SPSB4: variants seen among roughly 807,000 people sequenced by gnomAD.
SPSB4 encodes splA/ryanodine receptor domain and SOCS box containing 4.
A neutral mutation model predicts 20.9 loss-of-function variants in SPSB4; 21 were observed. The observed-to-expected ratio is 1.01, with a 90% CI of 0.71 to 1.45. The LOEUF (loss-of-function observed/expected upper bound fraction) is 1.45. SPSB4 is among the 40% of genes most tolerant of loss of function. SPSB4 has a pLI of 0.00. For synonymous variants in SPSB4, 207 were observed against 183.8 expected (o/e 1.13, Z -1.02); for missense variants, 399 against 399.2 (o/e 1.00, Z 0.00).
chr3:141,056,379 A>C (rs536414385), intron 1 of SPSB4, among the ~76,000 whole-genome samples: 3 of 152,042 alleles, frequency 2.0e-5, no homozygotes, highest in South Asian at 4.2e-4. Flanking sequence ...GGGCTGGAGC[A>C]GCTCCCTCCC....
chr3:141,099,849 C>T (rs1938590642), intron 2 of SPSB4, among the ~76,000 whole-genome samples: 1 of 152,166 alleles, frequency 6.6e-6, no homozygotes, highest in African/African-American at 2.4e-5. Context: ...TCAAACAGAG[C>T]CTCTGTTTAC....
At chr3:141,084,352 C>T (rs565449888) in intron 2 of SPSB4, among the ~76,000 whole-genome samples, 1 of 152,258 alleles carries the variant, frequency 6.6e-6, no homozygotes, top group South Asian at 2.1e-4. Flanking sequence ...TCCTTGCCCT[C>T]ACCCTCATGC....
intron 1 of SPSB4, among the ~76,000 whole-genome samples, chr3:141,057,001 G>C (rs965160212): frequency 6.6e-6 from 1 of 152,234 alleles, no homozygotes; most frequent in South Asian, 2.1e-4. Flanking sequence ...GCTCAGTCAC[G>C]CGTGGGAGGA....
intron 2 of SPSB4, among the ~76,000 whole-genome samples, chr3:141,108,202 C>T (rs1484724091): frequency 1.3e-5 from 2 of 152,022 alleles, no homozygotes. Flanking sequence ...TCGTGGGAGT[C>T]TCGTTACCAC....
intron 2 of SPSB4, among the ~76,000 whole-genome samples, chr3:141,146,381 A>G (rs1487956232): frequency 6.6e-6 from 1 of 152,174 alleles, no homozygotes; most frequent in Non-Finnish European, 1.5e-5. Flanking sequence ...GCCTCTCAGA[A>G]TCTAACCTGT....
At chr3:141,145,738 A>G (rs1042118947) in intron 2 of SPSB4, among the ~76,000 whole-genome samples, 1 of 152,140 alleles carries the variant, frequency 6.6e-6, no homozygotes, top group African/African-American at 2.4e-5. Context: ...TACAAACCAT[A>G]CCAGATGCCA....
At chr3:141,052,394 T>A (rs1936109888) in intron 1 of SPSB4, among the ~76,000 whole-genome samples, 1 of 152,200 alleles carries the variant, frequency 6.6e-6, no homozygotes. Context: ...TGGAAAGATC[T>A]ATGGGATGGT....
chr3:141,132,274 T>C (rs920422039), intron 2 of SPSB4: 1 of 394,306 alleles, frequency 2.5e-6, no homozygotes, highest in Non-Finnish European at 4.9e-6. Flanking sequence ...TTCAAGCTAT[T>C]CTTCTGCCTC....
chr3:141,070,946 G>T (rs1937991340), intron 2 of SPSB4, among the ~76,000 whole-genome samples: 1 of 152,238 alleles, frequency 6.6e-6, no homozygotes, highest in South Asian at 2.1e-4. Flanking sequence ...CCAGGGCCAG[G>T]TCCTTGCCTT....
At chr3:141,101,847 C>T (rs573752395) in intron 2 of SPSB4, among the ~76,000 whole-genome samples, 2 of 152,310 alleles carry the variant, frequency 1.3e-5, no homozygotes, top group Admixed American at 1.3e-4. Flanking sequence ...TATTCGTTTC[C>T]ACGCACCAGC....
intron 2 of SPSB4, among the ~76,000 whole-genome samples, chr3:141,101,414 C>T (rs1335664983): frequency 6.6e-6 from 1 of 152,172 alleles, no homozygotes; most frequent in East Asian, 1.9e-4. Flanking sequence ...TGCCAGGTGG[C>T]CCCTGCCCAC....
chr3:141,077,043 T>A (rs1201724920), intron 2 of SPSB4: 1 of 152,162 alleles, frequency 6.6e-6, no homozygotes, highest in Non-Finnish European at 1.5e-5. Context: ...GGGAGCCAGC[T>A]GATTTGCTTT....
At chr3:141,117,730 A>G (rs896275036) in intron 2 of SPSB4, among the ~76,000 whole-genome samples, 1 of 152,050 alleles carries the variant, frequency 6.6e-6, no homozygotes, top group Admixed American at 6.6e-5. Flanking sequence ...TTCAACTCCC[A>G]CTTATGAGTG....
chr3:141,060,843 G>C (rs1937747587), intron 1 of SPSB4, among the ~76,000 whole-genome samples: 1 of 152,186 alleles, frequency 6.6e-6, no homozygotes, highest in Non-Finnish European at 1.5e-5. Context: ...TTTCAATGGA[G>C]TTCTAACTCA....
chr3:141,065,810 G>C (rs1937853525), intron 1 of SPSB4, 142 bp from the exon 2 acceptor site: 1 of 389,598 alleles, frequency 2.6e-6, no homozygotes, highest in South Asian at 5.9e-5. Flanking sequence ...GCAGGTGCTA[G>C]ATTAGTGCCA....
At chr3:141,119,507 G>T (rs1242925367) in intron 2 of SPSB4, among the ~76,000 whole-genome samples, 1 of 152,102 alleles carries the variant, frequency 6.6e-6, no homozygotes. Flanking sequence ...GATTGCCCTG[G>T]CCAGAACTTC....
chr3:141,070,388 G>A (rs1470757934), intron 2 of SPSB4, among the ~76,000 whole-genome samples: 2 of 151,886 alleles, frequency 1.3e-5, no homozygotes, highest in East Asian at 1.9e-4. Context: ...GCTGGAGTGC[G>A]GTTGTGCAAT....
chr3:141,102,228 A>G (rs1203468285), intron 2 of SPSB4, among the ~76,000 whole-genome samples: 1 of 152,234 alleles, frequency 6.6e-6, no homozygotes, highest in African/African-American at 2.4e-5. Flanking sequence ...TTAGTAACTG[A>G]GTAATATATA....
chr3:141,123,836 A>G (rs1207106855), intron 2 of SPSB4, among the ~76,000 whole-genome samples: 7 of 152,192 alleles, frequency 4.6e-5, no homozygotes, highest in Non-Finnish European at 8.8e-5. Context: ...CACTCTCCCC[A>G]TGTGACAAGG....
Sources: gnomAD v4.1 joint callset for allele counts (sites outside exome capture counted in the v4.1 genomes callset) on GRCh38, gnomAD v4.1.1 for gene constraint, MANE v1.5 for transcripts, NCBI Gene and HGNC (gene_info 2026-07-23, HGNC 2026-07-21) for gene names.